ECSIT: variants seen among roughly 807,000 people sequenced by gnomAD.
ECSIT encodes the protein evolutionarily conserved signaling intermediate in Toll pathway, mitochondrial.
A neutral mutation model predicts 36.8 loss-of-function variants in ECSIT; 29 were observed. That is an observed-to-expected ratio of 0.79 (90% CI 0.59 to 1.08). The LOEUF (loss-of-function observed/expected upper bound fraction) is 1.08, where lower values mean the gene tolerates loss of function less well. Ranked by LOEUF, ECSIT falls within the 50% of genes least tolerant of loss-of-function variation. The pLI is 0.00. For synonymous variants in ECSIT, 231 were observed against 234.8 expected (o/e 0.98, Z 0.15); for missense variants, 542 against 581.0 (o/e 0.93, Z 0.69).
chr19:11,516,623 A>G (rs763085687), intron 2 of ECSIT, among the ~76,000 whole-genome samples: 10 of 151,896 alleles, frequency 6.6e-5, no homozygotes, highest in Admixed American at 1.3e-4. Context: ...ACTGCACTCC[A>G]ACCTGAACGA....
chr19:11,513,689 GA>G lies in ECSIT; in HGVS notation c.514+114del, dbSNP rs371060725. 1.3e-4 allele frequency: 161 copies of G among 1,259,764 alleles called. 1 individual carries two copies. The East Asian group carries it at 2.4e-3, about 19-fold the overall frequency. The allele number at this position is 1,259,764 out of a possible 1,614,324, so 78.0% of individuals were successfully genotyped here. ...AAAAGAGGGATTCGGAGAGGGAGAA[GA>G]GCGAGAGAGACAGAGACGGAGCCAT... On this transcript the variant is annotated intron_variant, in intron 3 of 7. Coordinates refer to ENST00000270517, the MANE Select transcript of ECSIT (RefSeq NM_016581.5).
chr19:11,522,577 G>A (rs1972128317), intron 1 of ECSIT: 1 of 631,116 alleles, frequency 1.6e-6, no homozygotes. Flanking sequence ...AGCCAGTCAT[G>A]GTGGTACATG....
At chr19:11,506,528 CCT>C (rs1491225295) in intron 7 of ECSIT, 100 bp from the exon 8 acceptor site, 8 of 1,004,564 alleles carry the variant, frequency 8.0e-6, no homozygotes, top group African/African-American at 4.5e-5. Context: ...CCTTCCACTT[CCT>C]TTTTTTTTTT....
chr19:11,510,124 C>T (rs772925072), intron 4 of ECSIT, among the ~76,000 whole-genome samples: 13 of 152,108 alleles, frequency 8.5e-5, no homozygotes, highest in Middle Eastern at 6.8e-3. Context: ...CTGCCTGCCT[C>T]GGCCTTCCAA....
intron 2 of ECSIT, among the ~76,000 whole-genome samples, chr19:11,516,514 G>A (rs1001164045): frequency 7.2e-5 from 11 of 152,000 alleles, no homozygotes; most frequent in African/African-American, 2.2e-4. Flanking sequence ...TAAGCGGGGC[G>A]TGGTGGTGTA....
intron 7 of ECSIT, 114 bp from the exon 8 acceptor site, chr19:11,506,542 T>C: frequency 7.2e-7 from 1 of 1,385,894 alleles, no homozygotes; most frequent in Non-Finnish European, 9.5e-7. Context: ...TTTTTTTTTT[T>C]TTTTTTTTTT....
intron 7 of ECSIT, 32 bp from the exon 8 acceptor site, chr19:11,506,460 A>T (rs371685351): frequency 6.3e-7 from 1 of 1,588,432 alleles, no homozygotes; most frequent in Middle Eastern, 1.7e-4. Flanking sequence ...TAAGGTTTGC[A>T]CAGTGGGGGC....
Position 11,506,244 on chromosome 19 carries a change from C to T in ECSIT, c.1236G>A (p.Leu412=), listed in dbSNP as rs138308187. The T allele has an allele frequency of 1.1e-4, 177 of 1,610,054 alleles. 1 individual carries two copies. In the African/African-American group the frequency reaches 1.9e-3, roughly 17 times the overall value. Residue 412 remains leucine (L), a synonymous_variant, in exon 8 of 8, where the codon CTG becomes CTA. Transcript: ENST00000270517. ...CGTCTTCTTCCTGGTGGTCCTCGGGCAGGGGCGGCTCCTCCAGCCCTGCAG... is the reference window on the plus strand; with the variant it reads ...CGTCTTCTTCCTGGTGGTCCTCGGGTAGGGGCGGCTCCTCCAGCCCTGCAG... ...TSSAGLEEPP[L]PEDHQEEDDN...
intron 3 of ECSIT, 149 bp downstream of exon 3, chr19:11,513,653 GAT>G: frequency 1.1e-6 from 1 of 930,326 alleles, no homozygotes; most frequent in South Asian, 1.5e-5. Context: ...AAGAAAGAGA[GAT>G]GAGTGATGAA....
In ECSIT at chr19:11,513,990, T is replaced by C. The variant is rs1003779418; in HGVS notation, c.328A>G (p.Ile110Val). The C allele has an allele frequency of 1.2e-6, 2 of 1,614,200 alleles. No homozygotes were observed. The highest frequency in any genetic ancestry group is 1.3e-5 in the African/African-American group (1 of 75,050). The change falls in exon 3 of 8, where the codon ATC becomes GTC. Residue 110 changes from isoleucine to valine, a missense_variant. Transcript: ENST00000270517. ...CGCATCTTGCGCAGGGCCAGGTAGATGAAGTCAATGTGGCCCCGCTTACGC... is the reference window on the plus strand; with the variant it reads ...CGCATCTTGCGCAGGGCCAGGTAGACGAAGTCAATGTGGCCCCGCTTACGC... ...SVRKRGHIDF[I>V]YLALRKMREY...
At chr19:11,509,637 A>C (rs995188679) in intron 4 of ECSIT, among the ~76,000 whole-genome samples, 2 of 151,064 alleles carry the variant, frequency 1.3e-5, no homozygotes, top group African/African-American at 4.9e-5. Flanking sequence ...GCGTGGTGGC[A>C]CACGCCTGTA....
At chr19:11,520,066 T>C (rs1341058614) in intron 1 of ECSIT, 7 of 151,774 alleles carry the variant, frequency 4.6e-5, no homozygotes, top group African/African-American at 1.5e-4. Context: ...AAACCACTCA[T>C]CCACTGTCTC....
chr19:11,524,649 A>T (rs1972175688), intron 1 of ECSIT, among the ~76,000 whole-genome samples: 1 of 136,602 alleles, frequency 7.3e-6, no homozygotes, highest in African/African-American at 3.1e-5. Flanking sequence ...CAGCAAAAAG[A>T]AAAAAAAAAA....
intron 5 of ECSIT, 62 bp from the exon 6 acceptor site, chr19:11,507,912 C>T: frequency 1.9e-6 from 3 of 1,613,944 alleles, no homozygotes; most frequent in Non-Finnish European, 1.7e-6. Flanking sequence ...GCCCAGGGAG[C>T]CCAGCCTAGG....
rs549297657 is a variant in ECSIT, at chr19:11,514,177, G to A, written c.141C>T (p.Ala47=). The A allele has an allele frequency of 6.2e-7, 1 of 1,610,928 alleles. No homozygotes were observed. Among genetic ancestry groups the A allele is most frequent in the African/African-American group, 1.3e-5 (1 of 74,904 alleles). The part of the protein sequence containing the change: ...LPRGLHCSAA[A]HSSEQSLVPS... ...GAACCAGGGACTGTTCAGAGCTATG[G>A]GCAGCTGCGCTGCAGTGGAGGCCCC... Residue 47 remains alanine (A), a synonymous_variant, in exon 3 of 8, where the codon GCC becomes GCT. Coordinates refer to ENST00000270517, the MANE Select transcript of ECSIT (RefSeq NM_016581.5).
chr19:11,506,524 ACTTC>A, intron 7 of ECSIT, 96 bp from the exon 8 acceptor site: 1 of 844,462 alleles, frequency 1.2e-6, no homozygotes, highest in East Asian at 3.4e-5. Context: ...ACTCCCTTCC[ACTTC>A]CTTTTTTTTT....
intron 1 of ECSIT, among the ~76,000 whole-genome samples, chr19:11,527,033 A>G (rs942559834): frequency 1.3e-5 from 2 of 151,994 alleles, no homozygotes; most frequent in African/African-American, 4.8e-5. Flanking sequence ...GGGAGCTTTT[A>G]AACTAAAATT....
At chr19:11,511,700 C>A (rs1397666760) in intron 4 of ECSIT, among the ~76,000 whole-genome samples, 2 of 152,036 alleles carry the variant, frequency 1.3e-5, no homozygotes, top group Non-Finnish European at 2.9e-5. Context: ...GCACTTAGAT[C>A]ATAAGGGCTC....
chr19:11,512,652 C>T (rs1490959761), intron 4 of ECSIT, among the ~76,000 whole-genome samples: 6 of 151,840 alleles, frequency 4.0e-5, no homozygotes, highest in Admixed American at 3.3e-4. Context: ...ACTCAATTCA[C>T]GGCCAGGCAC....
Sources: gnomAD v4.1 joint callset for allele counts (sites outside exome capture counted in the v4.1 genomes callset) on GRCh38, gnomAD v4.1.1 for gene constraint, MANE v1.5 for transcripts, NCBI Gene and HGNC (gene_info 2026-07-23, HGNC 2026-07-21) for gene names.